RAD51B: variants seen among roughly 807,000 people sequenced by gnomAD.
The protein encoded by RAD51B is DNA repair protein RAD51 homolog 2.
RAD51B carries 38 observed loss-of-function variants against 42.2 expected under a neutral mutation model. That is an observed-to-expected ratio of 0.90 (90% CI 0.70 to 1.18). The LOEUF is 1.18. Ranked by LOEUF, RAD51B falls within the 50% of genes most tolerant of loss-of-function variation. The probability of loss-of-function intolerance (pLI) is 0.00; values close to 1 mark genes in which losing one functional copy is unlikely to be tolerated. For missense variants in RAD51B, 373 were observed against 400.7 expected (o/e 0.93, Z 0.59); for synonymous variants, 154 against 145.2 (o/e 1.06, Z -0.43).
chr14:68,088,575 C>T (rs2077036885), intron 7 of RAD51B, among the ~76,000 whole-genome samples: 2 of 147,856 alleles, frequency 1.4e-5, no homozygotes, highest in Admixed American at 6.9e-5. Flanking sequence ...TGTGTACTAG[C>T]AGTGTTATGG....
Position 68,385,419 on chromosome 14 carries a change from AC to A in RAD51B, c.854-26003del, listed in dbSNP as rs2083572692. On this transcript the variant is annotated intron_variant, in intron 8 of 10. Coordinates refer to ENST00000471583, the MANE Select transcript of RAD51B (RefSeq NM_133510.4). ...TCAAGGCAACTGCAATTTCAGGCTGACCATCTTGGAAGTTTGATGGCACTGA... is the reference window on the plus strand; with the variant it reads ...TCAAGGCAACTGCAATTTCAGGCTGACATCTTGGAAGTTTGATGGCACTGA... 2.0e-5 allele frequency among the ~76,000 whole-genome samples: 3 copies of A among 152,276 alleles called. No homozygotes were observed. In the South Asian group the frequency reaches 6.2e-4, roughly 32 times the overall value.
Position 68,417,641 on chromosome 14 carries a change from A to T in RAD51B, c.957+6114A>T, listed in dbSNP as rs1347066961. 4.6e-5 allele frequency among the ~76,000 whole-genome samples: 7 copies of T among 152,230 alleles called. No individual in the cohort carries two copies. In the East Asian group the frequency reaches 1.3e-3, roughly 29 times the overall value. Reference sequence around the variant, plus strand: ...AATCCTACGGAAAGTGTGTGGTCCCAGTGAATGAATACAATGAGCTGCTAC... The same window carrying T: ...AATCCTACGGAAAGTGTGTGGTCCCTGTGAATGAATACAATGAGCTGCTAC... On this transcript the variant is annotated intron_variant, in intron 9 of 10. Transcript: ENST00000471583.
intron 8 of RAD51B, among the ~76,000 whole-genome samples, chr14:68,405,336 C>T (rs549136210): frequency 7.9e-5 from 12 of 152,044 alleles, no homozygotes; most frequent in Admixed American, 1.3e-4. Context: ...CCCAGCTACT[C>T]GGTAGGCTGA....
intron 8 of RAD51B, among the ~76,000 whole-genome samples, chr14:68,408,592 A>C (rs1243673565): frequency 6.6e-6 from 1 of 152,218 alleles, no homozygotes; most frequent in Admixed American, 6.5e-5. Context: ...GCTCAAAAGC[A>C]TGTTTATTTG....
At chr14:68,084,866 A>T (rs1404613761) in intron 7 of RAD51B, among the ~76,000 whole-genome samples, 1 of 152,218 alleles carries the variant, frequency 6.6e-6, no homozygotes, top group Non-Finnish European at 1.5e-5. Context: ...AAATCCGTGG[A>T]TAATAAGTCT....
chr14:68,168,397 C>G (rs528134313), intron 7 of RAD51B, among the ~76,000 whole-genome samples: 1 of 152,142 alleles, frequency 6.6e-6, no homozygotes, highest in African/African-American at 2.4e-5. Context: ...GCAGTTTTCT[C>G]GTTTACCAAC....
chr14:68,190,419 A>G (rs1351213401), intron 7 of RAD51B, among the ~76,000 whole-genome samples: 1 of 152,230 alleles, frequency 6.6e-6, no homozygotes, highest in Non-Finnish European at 1.5e-5. Flanking sequence ...ATAAACATGT[A>G]TAAGCAGAGT....
intron 7 of RAD51B, among the ~76,000 whole-genome samples, chr14:68,157,087 C>G (rs1566689689): frequency 4.6e-5 from 7 of 152,046 alleles, no homozygotes; most frequent in Admixed American, 3.3e-4. Flanking sequence ...GTCCAAGCTA[C>G]CTGGGAGACT....
intron 8 of RAD51B, chr14:68,338,733 C>G (rs72727447): frequency 2.2e-5 from 9 of 407,046 alleles, no homozygotes; most frequent in African/African-American, 1.8e-4. Context: ...TACATTTAAC[C>G]CAGTTCAGTG....
intron 7 of RAD51B, among the ~76,000 whole-genome samples, chr14:68,185,847 T>C (rs58407913): frequency 0.015 from 2,210 of 152,294 alleles, 54 homozygotes; most frequent in African/African-American, 0.05. Flanking sequence ...CACCTCCTGT[T>C]GTGTGGCCCA....
intron 9 of RAD51B, among the ~76,000 whole-genome samples, chr14:68,462,811 T>A (rs77050714): frequency 0.21 from 32,057 of 152,186 alleles, 3,573 homozygotes; most frequent in Non-Finnish European, 0.23. Flanking sequence ...AAGAAACAAT[T>A]TGGCTATTTG....
At position 67,893,128 on chromosome 14, in the gene RAD51B, T is replaced by A. The variant is rs1447888353; in HGVS notation, c.756+5924T>A. ...TATGTACAAGAGTATCTATGGCAGCTTAATTTGTAATTGCTCAAAACTGGC... is the reference window on the plus strand; with the variant it reads ...TATGTACAAGAGTATCTATGGCAGCATAATTTGTAATTGCTCAAAACTGGC... On this transcript the variant is annotated intron_variant, in intron 7 of 10. Coordinates refer to ENST00000471583, the MANE Select transcript of RAD51B (RefSeq NM_133510.4). Among the ~76,000 whole-genome samples, 4 of 152,180 alleles carry A rather than the reference T, an allele frequency of 2.6e-5. No individual in the cohort carries two copies. The East Asian group carries it at 7.7e-4, about 29-fold the overall frequency.
intron 7 of RAD51B, among the ~76,000 whole-genome samples, chr14:67,984,001 C>T (rs892007739): frequency 7.3e-5 from 11 of 150,968 alleles, no homozygotes; most frequent in Non-Finnish European, 1.6e-4. Context: ...TGCAGTGGCG[C>T]GATCTTGGCT....
intron 7 of RAD51B, among the ~76,000 whole-genome samples, chr14:68,023,755 A>T (rs974611190): frequency 6.6e-6 from 1 of 152,148 alleles, no homozygotes; most frequent in African/African-American, 2.4e-5. Flanking sequence ...CCTCTGCTGG[A>T]TGCAGAGTTT....
At chr14:68,573,641 G>GGCA (rs1197270464) in intron 10 of RAD51B, among the ~76,000 whole-genome samples, 6 of 152,346 alleles carry the variant, frequency 3.9e-5, no homozygotes, top group Admixed American at 2.6e-4. Flanking sequence ...GCTTCAGGAG[G>GGCA]GCAGCACCCT....
intron 7 of RAD51B, among the ~76,000 whole-genome samples, chr14:68,213,663 A>G (rs974689208): frequency 3.3e-5 from 5 of 152,226 alleles, no homozygotes; most frequent in African/African-American, 9.6e-5. Flanking sequence ...TTATTAGAAT[A>G]TAGCATCATG....
intron 7 of RAD51B, among the ~76,000 whole-genome samples, chr14:68,050,737 G>A (rs982439686): frequency 6.6e-6 from 1 of 151,854 alleles, no homozygotes; most frequent in Non-Finnish European, 1.5e-5. Context: ...ATCTCTTAAC[G>A]CATTTATGTT....
intron 7 of RAD51B, among the ~76,000 whole-genome samples, chr14:68,212,766 G>A (rs970187202): frequency 1.3e-5 from 2 of 152,208 alleles, no homozygotes; most frequent in African/African-American, 4.8e-5. Flanking sequence ...ATGATTACGT[G>A]TGAGAAAAAT....
intron 9 of RAD51B, among the ~76,000 whole-genome samples, chr14:68,441,557 A>G (rs906109589): frequency 6.6e-6 from 1 of 151,686 alleles, no homozygotes; most frequent in African/African-American, 2.4e-5. Flanking sequence ...AAAAAAAAAA[A>G]AAAAAAAGAT....
Sources: gnomAD v4.1 joint callset for allele counts (sites outside exome capture counted in the v4.1 genomes callset) on GRCh38, gnomAD v4.1.1 for gene constraint, MANE v1.5 for transcripts, NCBI Gene and HGNC (gene_info 2026-07-23, HGNC 2026-07-21) for gene names.